NMBR: variants seen among roughly 807,000 people sequenced by gnomAD.
The protein encoded by NMBR is neuromedin B receptor, also known as neuromedin-B receptor.
NMBR carries 16 observed loss-of-function variants against 20.5 expected under a neutral mutation model. The ratio of observed to expected loss-of-function variants is 0.78; its 90% CI spans 0.53 to 1.19. The LOEUF is 1.19. NMBR is among the 50% of genes most tolerant of loss of function. NMBR has a pLI of 0.00. For synonymous variants in NMBR, 212 were observed against 196.6 expected (o/e 1.08, Z -0.65); for missense variants, 582 against 499.1 (o/e 1.17, Z -1.58).
intron 1 of NMBR, among the ~76,000 whole-genome samples, chr6:142,108,606 AC>A (rs1777701354): frequency 6.6e-6 from 1 of 152,132 alleles, no homozygotes; most frequent in Non-Finnish European, 1.5e-5. Flanking sequence ...GAGAACAATT[AC>A]AAGAACAGCA....
chr6:142,133,918 C>T (rs747437784), intron 1 of NMBR: 121 of 702,350 alleles, frequency 1.7e-4, no homozygotes, highest in Admixed American at 5.4e-4. Context: ...TATTCTTCCT[C>T]GGGGTGCTAG....
intron 1 of NMBR, among the ~76,000 whole-genome samples, chr6:142,118,198 A>G (rs1412025466): frequency 1.3e-5 from 2 of 151,984 alleles, no homozygotes; most frequent in Admixed American, 6.6e-5. Flanking sequence ...CTCCTTTGGT[A>G]TTAAAGTGAT....
rs58709297 is a variant in NMBR at position 142,106,866 on chromosome 6, G to T, written c.-663-17545C>A. Among the ~76,000 whole-genome samples, 1,469 of 152,314 alleles carry T rather than the reference G, an allele frequency of 9.6e-3. 32 individuals are homozygous for T. Among genetic ancestry groups the T allele is most frequent in the African/African-American group, 0.034 (1,393 of 41,570 alleles). On this transcript the variant is annotated intron_variant, in intron 1 of 3. Transcript: ENST00000258042. ...GAAAAGCACCTTAAACAAAGGTATG[G>T]CTTGTGATGTAAATTTAAAACAATG...
intron 1 of NMBR, among the ~76,000 whole-genome samples, chr6:142,121,492 C>T (rs528749079): frequency 5.9e-5 from 9 of 151,950 alleles, no homozygotes; most frequent in African/African-American, 2.2e-4. Flanking sequence ...AGTGCTACTC[C>T]GATTAATACA....
rs1171691313 is a variant in NMBR, at chr6:142,074,494, T to C, written c.*1154A>G. 1.3e-5 allele frequency among the ~76,000 whole-genome samples: 2 copies of C among 152,184 alleles called. No homozygotes were observed. ...ATAGTATGAAATATATTGATTTAAA[T>C]GTTAGATTTATTGATACATGCTTTT... On this transcript the variant is annotated 3_prime_UTR_variant, in exon 4 of 4. Coordinates refer to ENST00000258042, the MANE Select transcript of NMBR (RefSeq NM_002511.4).
intron 2 of NMBR, among the ~76,000 whole-genome samples, chr6:142,083,416 C>T (rs1436131525): frequency 1.3e-5 from 2 of 152,066 alleles, no homozygotes; most frequent in Non-Finnish European, 2.9e-5. Context: ...TTTTCCCTGC[C>T]CTTGGTTTCC....
At chr6:142,091,188 C>T (rs1294030719) in intron 1 of NMBR, among the ~76,000 whole-genome samples, 1 of 152,086 alleles carries the variant, frequency 6.6e-6, no homozygotes, top group African/African-American at 2.4e-5. Context: ...AGAATGCACA[C>T]ACATCAAAGG....
At position 142,075,224 on chromosome 6, in the gene NMBR, T is replaced by A. The variant is rs1776905668; in HGVS notation, c.*424A>T. On this transcript the variant is annotated 3_prime_UTR_variant, in exon 4 of 4. Transcript: ENST00000258042. ...ATATTACCCTCACTGAATCATTGAG[T>A]CAATATAGAAATTTATTTCATGCTT... is the stretch of plus-strand genomic sequence containing the variant. 6.6e-6 allele frequency among the ~76,000 whole-genome samples: 1 copy of A among 151,966 alleles called. No homozygotes were observed. The highest frequency in any genetic ancestry group is 6.6e-5 in the Admixed American group (1 of 15,236).
chr6:142,118,514 C>T (rs1777890036), intron 1 of NMBR, among the ~76,000 whole-genome samples: 1 of 151,976 alleles, frequency 6.6e-6, no homozygotes. Flanking sequence ...CTAGAGCTAT[C>T]ATTTTTTGAA....
intron 1 of NMBR, among the ~76,000 whole-genome samples, chr6:142,110,646 C>G (rs1428506045): frequency 6.6e-6 from 1 of 151,934 alleles, no homozygotes; most frequent in Non-Finnish European, 1.5e-5. Flanking sequence ...TTAAACTTAC[C>G]GTGGTGACAG....
At chr6:142,087,763 T>C (rs534068557) in intron 2 of NMBR, among the ~76,000 whole-genome samples, 36 of 152,272 alleles carry the variant, frequency 2.4e-4, no homozygotes, top group African/African-American at 8.4e-4. Context: ...TTTAAGTAAG[T>C]TCTCCTCTTA....
intron 1 of NMBR, among the ~76,000 whole-genome samples, chr6:142,092,089 T>C (rs1171158961): frequency 6.6e-6 from 1 of 152,142 alleles, no homozygotes; most frequent in Non-Finnish European, 1.5e-5. Flanking sequence ...ATTATCATTG[T>C]TATTTAACAC....
At chr6:142,099,019 T>C (rs750344744) in intron 1 of NMBR, among the ~76,000 whole-genome samples, 1 of 152,190 alleles carries the variant, frequency 6.6e-6, no homozygotes. Flanking sequence ...TACAGCCAAC[T>C]GCTCTTTGAC....
intron 1 of NMBR, among the ~76,000 whole-genome samples, chr6:142,101,916 C>T (rs151205797): frequency 2.6e-5 from 4 of 152,020 alleles, no homozygotes; most frequent in South Asian, 2.1e-4. Flanking sequence ...ACAGACCATT[C>T]GACACTCTAA....
At chr6:142,130,467 G>C in intron 1 of NMBR, among the ~76,000 whole-genome samples, 1 of 152,218 alleles carries the variant, frequency 6.6e-6, no homozygotes, top group South Asian at 2.1e-4. Context: ...TTAGACAAAA[G>C]ATTTCTAGAT....
rs769298912 is a variant in NMBR, at chr6:142,088,431, G to C, written c.228C>G (p.Ser76Arg). 1.9e-6 allele frequency: 3 copies of C among 1,614,050 alleles called. No individual in the cohort carries two copies. Among genetic ancestry groups the C allele is most frequent in the Non-Finnish European group, 1.7e-6 (2 of 1,180,004 alleles). The change falls in exon 2 of 4, where the codon AGC (serine) becomes AGG (arginine). Residue 76 changes from serine to arginine, a missense_variant. Coordinates refer to ENST00000258042, the MANE Select transcript of NMBR (RefSeq NM_002511.4). Reference sequence around the variant, plus strand: ...GGTTAGAGATGAAGATGTTGGGGACGCTCCTCATGGCGCTGTTGGTGATGA... The same window carrying C: ...GGTTAGAGATGAAGATGTTGGGGACCCTCCTCATGGCGCTGTTGGTGATGA... ...KIFITNSAMR[S>R]VPNIFISNLA...
At chr6:142,105,334 G>A (rs935015631) in intron 1 of NMBR, among the ~76,000 whole-genome samples, 2 of 152,064 alleles carry the variant, frequency 1.3e-5, no homozygotes, top group African/African-American at 2.4e-5. Context: ...TGGGCTCAGA[G>A]GCCTGACAAT....
chr6:142,082,991 A>T (rs1777129235), intron 2 of NMBR, among the ~76,000 whole-genome samples: 2 of 152,226 alleles, frequency 1.3e-5, no homozygotes, highest in African/African-American at 4.8e-5. Context: ...CAAAAGTTTC[A>T]GATCAAGGTA....
chr6:142,145,041 A>G (rs1778409460), intron 1 of NMBR, among the ~76,000 whole-genome samples: 1 of 143,828 alleles, frequency 7.0e-6, no homozygotes, highest in Non-Finnish European at 1.5e-5. Context: ...AAAAAAAAAG[A>G]AAGAAAAAAA....
Sources: gnomAD v4.1 joint callset for allele counts (sites outside exome capture counted in the v4.1 genomes callset) on GRCh38, gnomAD v4.1.1 for gene constraint, MANE v1.5 for transcripts, NCBI Gene and HGNC (gene_info 2026-07-23, HGNC 2026-07-21) for gene names.